ERCC6L2: variants seen among roughly 807,000 people sequenced by gnomAD.
The protein encoded by ERCC6L2 is DNA excision repair protein ERCC-6-like 2.
In ERCC6L2, 77 loss-of-function variants were observed where a neutral mutation model predicts 132.0. That is an observed-to-expected ratio of 0.58 (90% CI 0.49 to 0.71). The LOEUF (loss-of-function observed/expected upper bound fraction) is 0.71. Among genes scored for constraint, ERCC6L2 ranks in the 30% least tolerant of loss-of-function variants. ERCC6L2 has a pLI of 0.00. For synonymous variants in ERCC6L2, 583 were observed against 632.4 expected, an observed-to-expected ratio of 0.92 and a Z score of 1.17; for missense variants, 1,542 against 1,837.6, an observed-to-expected ratio of 0.84 and a Z score of 2.94.
chr9:95,979,206 G>A (rs1210638056), intron 17 of ERCC6L2, among the ~76,000 whole-genome samples: 1 of 152,190 alleles, frequency 6.6e-6, no homozygotes, highest in African/African-American at 2.4e-5. Context: ...TGATATCTCA[G>A]CTAGTGCATG....
intron 3 of ERCC6L2, among the ~76,000 whole-genome samples, chr9:95,903,599 A>G (rs928827898): frequency 1.3e-5 from 2 of 151,430 alleles, no homozygotes; most frequent in East Asian, 1.9e-4. Flanking sequence ...AAGTTTTGGC[A>G]TAATGCCAAA....
At chr9:95,931,418 G>T (rs950774725) in intron 11 of ERCC6L2, among the ~76,000 whole-genome samples, 4 of 152,118 alleles carry the variant, frequency 2.6e-5, no homozygotes, top group Non-Finnish European at 5.9e-5. Flanking sequence ...GCTCTTCTGT[G>T]TTGGATCTTT....
intron 19 of ERCC6L2, chr9:96,038,819 T>C (rs868745364): frequency 2.0e-5 from 9 of 455,986 alleles, no homozygotes; most frequent in South Asian, 7.7e-5. Context: ...GACTTAACGA[T>C]TTGCTTTTAA....
intron 12 of ERCC6L2, among the ~76,000 whole-genome samples, chr9:95,942,146 T>C (rs1371568537): frequency 6.6e-6 from 1 of 152,156 alleles, no homozygotes; most frequent in Non-Finnish European, 1.5e-5. Flanking sequence ...TGTAGAAAGC[T>C]TCCTAGAATG....
In ERCC6L2 at chr9:95,908,759, T is replaced by G. The variant is rs946995630; in HGVS notation, c.788+1488T>G. On this transcript the variant is annotated intron_variant, in intron 4 of 18. Transcript: ENST00000653738. ...TTAGAAACAGTTATCTAGTAAGTCT[T>G]TAAAATGTTTAGACATTATAGTTAT... 2.0e-5 allele frequency among the ~76,000 whole-genome samples: 3 copies of G among 151,978 alleles called. No individual in the cohort carries two copies. In the East Asian group the frequency reaches 5.8e-4, roughly 29 times the overall value.
At position 96,017,443 on chromosome 9, in the gene ERCC6L2, C is replaced by T. The variant is rs1588061201; in HGVS notation, c.*4240C>T. On this transcript the variant is annotated 3_prime_UTR_variant, in exon 19 of 19. Coordinates refer to ENST00000653738, the MANE Select transcript of ERCC6L2 (RefSeq NM_020207.7). ...CCCAAGTCCCAGGCTGTGTGGTTCC[C>T]AGCCCCAAGGGTAGCAAGTCAGAAC... Among the ~76,000 whole-genome samples the T allele has an allele frequency of 1.3e-5, 2 of 152,122 alleles. No individual in the cohort carries two copies. The highest frequency in any genetic ancestry group is 3.8e-4 in the East Asian group (2 of 5,196).
At chr9:96,011,731 G>A (rs562159598) in intron 18 of ERCC6L2, among the ~76,000 whole-genome samples, 4 of 152,286 alleles carry the variant, frequency 2.6e-5, no homozygotes, top group African/African-American at 9.6e-5. Flanking sequence ...AGTCTTGTGC[G>A]ATTTCTATGT....
chr9:95,986,134 T>G (rs1056344164), intron 17 of ERCC6L2, among the ~76,000 whole-genome samples: 27 of 152,220 alleles, frequency 1.8e-4, no homozygotes, highest in African/African-American at 6.5e-4. Flanking sequence ...TCTTTACTTG[T>G]GTGTGTTTAT....
chr9:95,972,865 T>C lies in ERCC6L2; in HGVS notation c.3114T>C (p.Ile1038=), dbSNP rs1832485181. The C allele has an allele frequency of 7.7e-7, 1 of 1,305,168 alleles. No individual in the cohort carries two copies. The highest frequency in any genetic ancestry group is 1.5e-5 in the African/African-American group (1 of 65,894). 80.8% of individuals were successfully genotyped at this position (1,305,168 alleles called of 1,614,324 possible). Residue 1038 remains isoleucine (I), a synonymous_variant, in exon 16 of 19, where the codon ATT becomes ATC. Transcript: ENST00000653738. ...ATGAGGATCATAACTCTCAGTTTAT[T>C]GATGATTATTCATCCTCAGATGAGA... ...AANEDHNSQF[I]DDYSSSDESL...
chr9:95,983,750 A>G (rs2133130227), intron 17 of ERCC6L2, among the ~76,000 whole-genome samples: 1 of 152,344 alleles, frequency 6.6e-6, no homozygotes, highest in South Asian at 2.1e-4. Context: ...ACAGTATTTC[A>G]GAATTTGAAG....
intron 13 of ERCC6L2, among the ~76,000 whole-genome samples, chr9:95,960,839 G>A (rs1217518029): frequency 6.6e-6 from 1 of 152,064 alleles, no homozygotes. Flanking sequence ...GTTTCACTCT[G>A]TTGCCCAGGC....
At chr9:95,915,554 G>T in intron 4 of ERCC6L2, 114 bp from the exon 5 acceptor site, 1 of 1,142,520 alleles carries the variant, frequency 8.8e-7, no homozygotes. Flanking sequence ...TCATCAAAGA[G>T]TAAAAAGGAA....
intron 4 of ERCC6L2, among the ~76,000 whole-genome samples, chr9:95,907,579 T>C (rs1482803556): frequency 1.3e-5 from 2 of 152,004 alleles, no homozygotes; most frequent in Non-Finnish European, 2.9e-5. Flanking sequence ...ATTATTGAAA[T>C]ATTTAGTTCA....
intron 17 of ERCC6L2, among the ~76,000 whole-genome samples, chr9:96,001,713 T>C (rs537029802): frequency 9.4e-4 from 143 of 152,380 alleles, no homozygotes; most frequent in African/African-American, 3.3e-3. Context: ...CTGCGCCGTG[T>C]GCTCGCATTC....
chr9:95,922,490 T>C (rs1587912485), intron 8 of ERCC6L2, 72 bp downstream of exon 8: 8 of 878,202 alleles, frequency 9.1e-6, no homozygotes, highest in East Asian at 5.6e-5. Flanking sequence ...AAAATAGTTA[T>C]TAAATAAAGT....
chr9:95,902,783 A>G (rs143146041), intron 3 of ERCC6L2, among the ~76,000 whole-genome samples: 1,953 of 152,182 alleles, frequency 0.013, 21 homozygotes, highest in South Asian at 0.032. Flanking sequence ...TACATTTCTT[A>G]ATGAGTGAAG....
At chr9:95,963,218 A>G (rs1244201370) in intron 13 of ERCC6L2, among the ~76,000 whole-genome samples, 2 of 151,880 alleles carry the variant, frequency 1.3e-5, no homozygotes, top group Admixed American at 6.6e-5. Context: ...GAATTGCAAG[A>G]ACAGCAGAAA....
At position 95,987,099 on chromosome 9, in the gene ERCC6L2, G is replaced by A. The variant is rs116551719; in HGVS notation, c.3492+8884G>A. Among the ~76,000 whole-genome samples the A allele has an allele frequency of 4.1e-3, 623 of 152,098 alleles. 7 individuals carry two copies. Among genetic ancestry groups the A allele is most frequent in the African/African-American group, 0.014 (591 of 41,494 alleles). On this transcript the variant is annotated intron_variant, in intron 17 of 18. Transcript: ENST00000653738. Reference sequence around the variant, plus strand: ...CCCTGTGATTCAATTATCTCCCATCGAGTACTTCCCACAACACAGGAGAAT... The same window carrying A: ...CCCTGTGATTCAATTATCTCCCATCAAGTACTTCCCACAACACAGGAGAAT...
At chr9:95,886,349 C>T (rs1357562781) in intron 2 of ERCC6L2, among the ~76,000 whole-genome samples, 2 of 150,086 alleles carry the variant, frequency 1.3e-5, no homozygotes, top group African/African-American at 4.9e-5. Flanking sequence ...GGATGATGAT[C>T]ATTTCATTTA....
Sources: allele counts gnomAD v4.1 joint callset (sites outside exome capture counted in the v4.1 genomes callset), GRCh38; gene constraint gnomAD v4.1.1; transcripts MANE v1.5; gene names NCBI Gene and HGNC (gene_info 2026-07-23, HGNC 2026-07-21).